FBXW7: variants seen among roughly 807,000 people sequenced by gnomAD.
The protein encoded by FBXW7 is F-box and WD repeat domain containing 7.
Under a neutral mutation model 86.3 loss-of-function variants are expected in FBXW7, and 11 were observed. The ratio of observed to expected loss-of-function variants is 0.13; its 90% CI spans 0.08 to 0.21. The LOEUF (loss-of-function observed/expected upper bound fraction) is 0.21, where lower values mean the gene tolerates loss of function less well. Ranked by LOEUF, FBXW7 falls within the 10% of genes least tolerant of loss-of-function variation. The pLI is 1.00. For missense variants in FBXW7, 488 were observed against 847.4 expected, an observed-to-expected ratio of 0.58 and a Z score of 5.27; for synonymous variants, 313 against 297.9, an observed-to-expected ratio of 1.05 and a Z score of -0.52.
At position 152,535,943 on chromosome 4, in the gene FBXW7, C is replaced by A. The variant is rs893811225; in HGVS notation, c.-1029G>T. 3.3e-6 allele frequency: 1 copy of A among 304,984 alleles called. No individual in the cohort carries two copies. Among genetic ancestry groups the A allele is most frequent in the Non-Finnish European group, 6.1e-6 (1 of 165,068 alleles). 18.9% of individuals were successfully genotyped at this position (304,984 alleles called of 1,614,324 possible). On this transcript the variant is annotated 5_prime_UTR_variant, in exon 1 of 14. Transcript: ENST00000281708. ...GCCCAGGTGAGAGCGAAGGTCTCGGCGGCGGCCAGTGCAGGGGGACTGGAT... is the reference window on the plus strand; with the variant it reads ...GCCCAGGTGAGAGCGAAGGTCTCGGAGGCGGCCAGTGCAGGGGGACTGGAT...
At chr4:152,362,828 CA>C (rs35796895) in intron 4 of FBXW7, among the ~76,000 whole-genome samples, 103 of 79,138 alleles carry the variant, frequency 1.3e-3, no homozygotes, top group African/African-American at 4.6e-3. Context: ...CTCTCTCTCT[CA>C]AAAAAAAAAA....
At chr4:152,527,629 G>C (rs537989347) in intron 2 of FBXW7, among the ~76,000 whole-genome samples, 1 of 151,910 alleles carries the variant, frequency 6.6e-6, no homozygotes, top group South Asian at 2.1e-4. Flanking sequence ...TAAATTTGCA[G>C]GGTGTGGCAG....
chr4:152,449,360 G>A (rs983668824), intron 2 of FBXW7, among the ~76,000 whole-genome samples: 4 of 152,192 alleles, frequency 2.6e-5, no homozygotes, highest in Non-Finnish European at 4.4e-5. Context: ...TTTGAGGACT[G>A]ATGGAAGAGG....
At chr4:152,458,995 C>T (rs1249394181) in intron 2 of FBXW7, among the ~76,000 whole-genome samples, 1 of 152,164 alleles carries the variant, frequency 6.6e-6, no homozygotes, top group East Asian at 1.9e-4. Context: ...CACAACTGTT[C>T]CCCAACTGAT....
intron 2 of FBXW7, among the ~76,000 whole-genome samples, chr4:152,517,148 A>G (rs147256722): frequency 6.6e-6 from 1 of 152,148 alleles, no homozygotes; most frequent in Non-Finnish European, 1.5e-5. Context: ...AACCAATGAC[A>G]TATCAAAACA....
chr4:152,475,916 G>A (rs191150171), intron 2 of FBXW7, among the ~76,000 whole-genome samples: 12 of 152,204 alleles, frequency 7.9e-5, no homozygotes, highest in African/African-American at 2.9e-4. Flanking sequence ...AGTCTCCTCA[G>A]ACTGACATGT....
intron 4 of FBXW7, among the ~76,000 whole-genome samples, chr4:152,355,720 C>G (rs1410055091): frequency 2.0e-5 from 3 of 152,066 alleles, no homozygotes; most frequent in Non-Finnish European, 4.4e-5. Context: ...CTAACTCAGA[C>G]CCAATGCTCA....
chr4:152,391,322 C>T (rs1735978019), intron 4 of FBXW7, among the ~76,000 whole-genome samples: 3 of 151,688 alleles, frequency 2.0e-5, no homozygotes, highest in Admixed American at 1.3e-4. Flanking sequence ...ATATTACATA[C>T]TCAAAAAAAT....
At chr4:152,360,078 T>C (rs1732788483) in intron 4 of FBXW7, among the ~76,000 whole-genome samples, 3 of 152,218 alleles carry the variant, frequency 2.0e-5, no homozygotes. Flanking sequence ...GGATAACCCA[T>C]GTGATAACAA....
chr4:152,340,784 T>C (rs1207036122), intron 6 of FBXW7, among the ~76,000 whole-genome samples: 3 of 152,172 alleles, frequency 2.0e-5, no homozygotes, highest in Non-Finnish European at 4.4e-5. Context: ...CTGTATTATG[T>C]TGTTGCTTTT....
At chr4:152,420,034 C>T (rs1738803703) in intron 2 of FBXW7, among the ~76,000 whole-genome samples, 1 of 152,092 alleles carries the variant, frequency 6.6e-6, no homozygotes, top group Non-Finnish European at 1.5e-5. Flanking sequence ...AGACACTAGG[C>T]TATGTGACAG....
intron 2 of FBXW7, among the ~76,000 whole-genome samples, chr4:152,468,834 T>C (rs1743686623): frequency 6.6e-6 from 1 of 152,002 alleles, no homozygotes; most frequent in Admixed American, 6.6e-5. Context: ...AACTCAAATA[T>C]ACGCATCAAT....
At chr4:152,401,919 A>G (rs1465491074) in intron 4 of FBXW7, among the ~76,000 whole-genome samples, 1 of 152,228 alleles carries the variant, frequency 6.6e-6, no homozygotes, top group East Asian at 1.9e-4. Flanking sequence ...TCAAGGATCA[A>G]TAATTCAAAG....
At chr4:152,373,208 A>G (rs1179214512) in intron 4 of FBXW7, among the ~76,000 whole-genome samples, 1 of 152,048 alleles carries the variant, frequency 6.6e-6, no homozygotes, top group Non-Finnish European at 1.5e-5. Context: ...CCTATGCCTG[A>G]GATTCCTCAC....
At chr4:152,379,807 C>T (rs996539196) in intron 4 of FBXW7, among the ~76,000 whole-genome samples, 2 of 152,150 alleles carry the variant, frequency 1.3e-5, no homozygotes, top group Non-Finnish European at 2.9e-5. Context: ...TTATATAATA[C>T]ATTAACTACC....
At chr4:152,438,286 C>T (rs1218832051) in intron 2 of FBXW7, among the ~76,000 whole-genome samples, 1 of 152,204 alleles carries the variant, frequency 6.6e-6, no homozygotes, top group African/African-American at 2.4e-5. Context: ...TTTATATGCA[C>T]TGGGGAAACA....
chr4:152,513,427 A>C (rs1257009840), intron 2 of FBXW7, among the ~76,000 whole-genome samples: 1 of 152,238 alleles, frequency 6.6e-6, no homozygotes, highest in East Asian at 1.9e-4. Context: ...TACTCCACTC[A>C]CAGAGACCCT....
At chr4:152,328,596 T>A in intron 10 of FBXW7, 1 of 411,514 alleles carries the variant, frequency 2.4e-6, no homozygotes, top group Middle Eastern at 5.9e-4. Flanking sequence ...GCACAAGCAA[T>A]TGTGTATGTA....
chr4:152,465,223 C>G (rs1198897094), intron 2 of FBXW7, among the ~76,000 whole-genome samples: 1 of 151,632 alleles, frequency 6.6e-6, no homozygotes, highest in Non-Finnish European at 1.5e-5. Context: ...GACATCAAAA[C>G]CTTATTTAAA....
Sources: allele counts gnomAD v4.1 joint callset (sites outside exome capture counted in the v4.1 genomes callset), GRCh38; gene constraint gnomAD v4.1.1; transcripts MANE v1.5; gene names NCBI Gene and HGNC (gene_info 2026-07-23, HGNC 2026-07-21).